Variants in TAOK1 observed in about 807,000 individuals in gnomAD.
The protein encoded by TAOK1 is TAO kinase 1.
Under a neutral mutation model 138.3 loss-of-function variants are expected in TAOK1, and 21 were observed. That is an observed-to-expected ratio of 0.15 (90% CI 0.11 to 0.22). TAOK1 has a LOEUF of 0.22. Ranked by LOEUF, TAOK1 falls within the 10% of genes least tolerant of loss-of-function variation. TAOK1 has a pLI of 1.00. For synonymous variants in TAOK1, 361 were observed against 398.4 expected, an observed-to-expected ratio of 0.91 and a Z score of 1.12; for missense variants, 651 against 1,227.7, an observed-to-expected ratio of 0.53 and a Z score of 7.02.
At chr17:29,426,176 G>A (rs1393344634) in intron 1 of TAOK1, among the ~76,000 whole-genome samples, 5 of 152,028 alleles carry the variant, frequency 3.3e-5, no homozygotes, top group African/African-American at 4.8e-5. Context: ...CACCGCACCC[G>A]GCCAAGAATG....
chr17:29,473,487 T>A (rs2030874246), intron 3 of TAOK1, among the ~76,000 whole-genome samples: 1 of 151,362 alleles, frequency 6.6e-6, no homozygotes. Context: ...AATAGAAAAA[T>A]TACCCAGATG....
At chr17:29,526,649 A>G (rs2032014311) in intron 17 of TAOK1, among the ~76,000 whole-genome samples, 1 of 151,806 alleles carries the variant, frequency 6.6e-6, no homozygotes, top group Non-Finnish European at 1.5e-5. Context: ...CCTAACCTCA[A>G]GTGATCCACC....
chr17:29,485,723 T>C (rs1226043856), intron 8 of TAOK1, among the ~76,000 whole-genome samples: 1 of 152,168 alleles, frequency 6.6e-6, no homozygotes, highest in African/African-American at 2.4e-5. Flanking sequence ...TAAATGAAAA[T>C]AGTAAAATTT....
intron 1 of TAOK1, among the ~76,000 whole-genome samples, chr17:29,424,021 C>T (rs563628847): frequency 2.7e-5 from 4 of 145,984 alleles, no homozygotes; most frequent in African/African-American, 1.0e-4. Context: ...TGCACTCCAG[C>T]CTGGGCGACA....
chr17:29,520,704 C>T (rs1180408470), intron 16 of TAOK1, among the ~76,000 whole-genome samples: 8 of 150,826 alleles, frequency 5.3e-5, no homozygotes, highest in Non-Finnish European at 8.9e-5. Context: ...CGTGAGCCAC[C>T]GTGCCCAGCC....
At chr17:29,467,095 G>C (rs759847464) in intron 2 of TAOK1, 50 bp from the exon 3 acceptor site, 3 of 1,403,604 alleles carry the variant, frequency 2.1e-6, no homozygotes, top group Non-Finnish European at 2.9e-6. Context: ...TAGTTGCCTA[G>C]ATTTCACCTG....
chr17:29,419,273 C>T lies in TAOK1; in HGVS notation c.-95+28249C>T, dbSNP rs534043822. Among the ~76,000 whole-genome samples the T allele has an allele frequency of 3.3e-5, 5 of 151,790 alleles. No homozygotes were observed. In the East Asian group the frequency reaches 5.8e-4, roughly 18 times the overall value. ...GTGCAATGGCATGCTCTCGGCTCAC[C>T]GCAACCTCCGCCTCCTGGGTTCAAG... On this transcript the variant is annotated intron_variant, in intron 1 of 19. Transcript: ENST00000261716.
intron 2 of TAOK1, among the ~76,000 whole-genome samples, chr17:29,460,485 C>T (rs926415246): frequency 1.3e-5 from 2 of 152,180 alleles, no homozygotes; most frequent in Non-Finnish European, 1.5e-5. Context: ...CCACCACACC[C>T]GGCCTGTCAG....
At chr17:29,499,045 A>G (rs755179346) in intron 12 of TAOK1, among the ~76,000 whole-genome samples, 2 of 152,198 alleles carry the variant, frequency 1.3e-5, no homozygotes, top group East Asian at 1.9e-4. Flanking sequence ...AACTATTTCA[A>G]AATATTAGAA....
rs149537132 is a variant in TAOK1 at position 29,543,591 on chromosome 17, TAAAA to T, written c.*573_*576del. 1 of 152,740 alleles carries T rather than the reference TAAAA, an allele frequency of 6.5e-6. No individual in the cohort carries two copies. The highest frequency in any genetic ancestry group is 1.5e-5 in the Non-Finnish European group (1 of 68,022). 9.5% of individuals were successfully genotyped at this position (152,740 alleles called of 1,614,324 possible). A position where few individuals can be genotyped will look rare whatever the true frequency, so the allele number is the denominator to read the frequency against. ...TCTGACTTCTCAGCCTCATTTGGACTAAAAAAAGAAAGCAGAAATCCATGAACAC... is the reference window on the plus strand; with the variant it reads ...TCTGACTTCTCAGCCTCATTTGGACTAAAGAAAGCAGAAATCCATGAACAC... On this transcript the variant is annotated 3_prime_UTR_variant, in exon 20 of 20. Coordinates refer to ENST00000261716, the MANE Select transcript of TAOK1 (RefSeq NM_020791.4).
chr17:29,453,014 A>AT (rs1417178185), intron 2 of TAOK1, among the ~76,000 whole-genome samples: 1 of 152,018 alleles, frequency 6.6e-6, no homozygotes, highest in Non-Finnish European at 1.5e-5. Flanking sequence ...GCAGGTTCCT[A>AT]TAGTATTCTG....
chr17:29,482,060 C>T lies in TAOK1; in HGVS notation c.564-137C>T, dbSNP rs1598500164. ...CACAACCTGTAATGCACTTAGTTCCCGTTATAAAAATTCTTATGTCCAGAT... is the reference window on the plus strand; with the variant it reads ...CACAACCTGTAATGCACTTAGTTCCTGTTATAAAAATTCTTATGTCCAGAT... On this transcript the variant is annotated intron_variant, in intron 7 of 19. Transcript: ENST00000261716. 1.4e-5 allele frequency: 8 copies of T among 589,402 alleles called. 1 individual carries two copies. The highest frequency in any genetic ancestry group is 9.8e-5 in the South Asian group (4 of 40,686). 36.5% of individuals were successfully genotyped at this position (589,402 alleles called of 1,614,324 possible). A position where few individuals can be genotyped will look rare whatever the true frequency, so the allele number is the denominator to read the frequency against.
intron 8 of TAOK1, among the ~76,000 whole-genome samples, chr17:29,483,431 A>G (rs914404239): frequency 6.6e-6 from 1 of 152,108 alleles, no homozygotes; most frequent in African/African-American, 2.4e-5. Context: ...TAAAAGTAAA[A>G]TCTGTTGGTA....
At chr17:29,470,304 A>G (rs2030784080) in intron 3 of TAOK1, among the ~76,000 whole-genome samples, 1 of 152,202 alleles carries the variant, frequency 6.6e-6, no homozygotes, top group African/African-American at 2.4e-5. Context: ...TTAGTGAATA[A>G]GGCTCTTAGT....
At chr17:29,538,561 C>T (rs1287588341) in intron 19 of TAOK1, among the ~76,000 whole-genome samples, 2 of 152,176 alleles carry the variant, frequency 1.3e-5, no homozygotes, top group Non-Finnish European at 2.9e-5. Flanking sequence ...GCTGTGATTT[C>T]TGCACTTTAT....
chr17:29,415,167 G>A (rs974320318), intron 1 of TAOK1, among the ~76,000 whole-genome samples: 2 of 151,834 alleles, frequency 1.3e-5, no homozygotes, highest in Non-Finnish European at 2.9e-5. Context: ...ACGGGGTTTC[G>A]TCATGTTCCC....
intron 19 of TAOK1, among the ~76,000 whole-genome samples, chr17:29,535,711 A>T (rs895037035): frequency 6.6e-6 from 1 of 151,846 alleles, no homozygotes; most frequent in Non-Finnish European, 1.5e-5. Flanking sequence ...AAAATTGGCC[A>T]AGTGTGGTGT....
At position 29,390,521 on chromosome 17, in the gene TAOK1, G is replaced by C. The variant is rs946261250; in HGVS notation, c.-598G>C. Reference sequence around the variant, plus strand: ...AAGCACTAGGCACTCGCGAACATCTGAGGCCTCCCGGCCCCGGGGGACCCC... The same window carrying C: ...AAGCACTAGGCACTCGCGAACATCTCAGGCCTCCCGGCCCCGGGGGACCCC... On this transcript the variant is annotated 5_prime_UTR_variant, in exon 1 of 20. Coordinates refer to ENST00000261716, the MANE Select transcript of TAOK1 (RefSeq NM_020791.4). 3.9e-5 allele frequency: 6 copies of C among 152,552 alleles called. No individual in the cohort carries two copies. Among genetic ancestry groups the C allele is most frequent in the African/African-American group, 1.4e-4 (6 of 41,432 alleles). The allele number at this position is 152,552 out of a possible 1,614,324, so 9.4% of individuals were successfully genotyped here. A position where few individuals can be genotyped will look rare whatever the true frequency, so the allele number is the denominator to read the frequency against.
intron 2 of TAOK1, among the ~76,000 whole-genome samples, chr17:29,460,753 G>A (rs1021660800): frequency 7.2e-5 from 11 of 152,140 alleles, no homozygotes; most frequent in East Asian, 3.8e-4. Context: ...ATCAGAGATC[G>A]AAGCAGAGAG....
Sources: gnomAD v4.1 joint callset for allele counts (sites outside exome capture counted in the v4.1 genomes callset) on GRCh38, gnomAD v4.1.1 for gene constraint, MANE v1.5 for transcripts, NCBI Gene and HGNC (gene_info 2026-07-23, HGNC 2026-07-21) for gene names.